The following CSPG4 variants were observed in gnomAD, a reference collection of about 807,000 sequenced individuals.
CSPG4 encodes chondroitin sulfate proteoglycan 4.
In CSPG4, 74 loss-of-function variants were observed where a neutral mutation model predicts 139.3. The ratio of observed to expected loss-of-function variants is 0.53; its 90% confidence interval spans 0.44 to 0.64. The LOEUF (loss-of-function observed/expected upper bound fraction) is 0.64. Ranked by LOEUF, CSPG4 falls within the 30% of genes least tolerant of loss-of-function variation. CSPG4 has a pLI of 0.00. For synonymous variants in CSPG4, 1,234 were observed against 1,394.2 expected (o/e 0.89, Z 2.56); for missense variants, 2,565 against 3,148.3 (o/e 0.81, Z 4.43).
In CSPG4 at chr15:75,682,623, T is replaced by C. The variant is rs773124996; in HGVS notation, c.4767A>G (p.Thr1589=). ...CACACCCACCTGGGCAGACAGTCAG[T>C]GTCTGGCTGCCCTTCAGCGAGAGGA... is the stretch of plus-strand genomic sequence containing the variant. ...QVLLSLKGSQ[T]LTVCPGSVQP... The change falls in exon 7 of 10, where the codon ACA becomes ACG. Residue 1589 remains threonine (T), a synonymous_variant. Transcript: ENST00000308508. 1.9e-6 allele frequency: 3 copies of C among 1,613,000 alleles called. No homozygotes were observed. The highest frequency in any genetic ancestry group is 2.7e-5 in the African/African-American group (2 of 74,910).
At chr15:75,678,972 A>C in intron 8 of CSPG4, 1 of 344,628 alleles carries the variant, frequency 2.9e-6, no homozygotes, top group Non-Finnish European at 5.7e-6. Context: ...TACCTCACAG[A>C]CTCTCCTGGC....
At chr15:75,712,863 T>G (rs995148522), upstream of CSPG4, 2 of 934,136 alleles carry the variant, frequency 2.1e-6, no homozygotes, top group African/African-American at 3.5e-5. Flanking sequence ...CGGCTCCGGG[T>G]GTCCGCGCAC....
chr15:75,680,048 A>T (rs1157787510), intron 8 of CSPG4: 1 of 152,274 alleles, frequency 6.6e-6, no homozygotes, highest in Non-Finnish European at 1.5e-5. Context: ...GGACTTGCCC[A>T]ATAGTAACAT....
In CSPG4 at chr15:75,675,088, G is replaced by T; in HGVS notation, c.*462C>A. 2.8e-6 allele frequency: 1 copy of T among 355,268 alleles called. No homozygotes were observed. The highest frequency in any genetic ancestry group is 4.7e-5 in the Admixed American group (1 of 21,292). The allele number at this position is 355,268 out of a possible 1,614,324, so 22.0% of individuals were successfully genotyped here. A position where few individuals can be genotyped will look rare whatever the true frequency, so the allele number is the denominator to read the frequency against. On this transcript the variant is annotated 3_prime_UTR_variant, in exon 10 of 10. Transcript: ENST00000308508. The stretch of plus-strand genomic sequence containing the variant: ...AAGTTTTTTTCTCAACTCTGGGGCA[G>T]AGACAAAGGGTGGCCTGGGTTGGAG...
rs761692206 is a variant in CSPG4, at chr15:75,682,463, C to G, written c.4784-4G>C. On this transcript the variant is annotated splice_polypyrimidine_tract_variant and splice_region_variant and intron_variant, in intron 7 of 9. Transcript: ENST00000308508. ...CTGCTGAGTGGCTGGACGGACCCTG[C>G]CAGAGGCAAAAGGGGATATCAGATT... 6.3e-7 allele frequency: 1 copy of G among 1,576,380 alleles called. No homozygotes were observed. The highest frequency in any genetic ancestry group is 8.6e-7 in the Non-Finnish European group (1 of 1,166,580).
chr15:75,677,757 C>G lies in CSPG4; in HGVS notation c.5080G>C (p.Val1694Leu). The G allele has an allele frequency of 6.2e-7, 1 of 1,610,782 alleles. No homozygotes were observed. The highest frequency in any genetic ancestry group is 8.5e-7 in the Non-Finnish European group (1 of 1,178,614). ...RDVAATLAVA[V>L]SFEAACPQRP... The stretch of plus-strand genomic sequence containing the variant: ...TGGGGACAGGCAGCCTCAAAAGACA[C>G]AGCCACAGCAAGGGTGGCGGCCACG... The change falls in exon 9 of 10, where the codon GTG becomes CTG. Residue 1694 changes from valine (V) to leucine (L), a missense_variant. Coordinates refer to ENST00000308508, the MANE Select transcript of CSPG4 (RefSeq NM_001897.5).
At chr15:75,677,511 G>A in intron 9 of CSPG4, 127 bp from the exon 10 acceptor site, 1 of 1,222,790 alleles carries the variant, frequency 8.2e-7, no homozygotes, top group Middle Eastern at 2.7e-4. Flanking sequence ...TCCAGGGTGG[G>A]GCTCAGGGTT....
intron 3 of CSPG4, among the ~76,000 whole-genome samples, chr15:75,686,630 C>G (rs1488934746): frequency 1.3e-5 from 2 of 152,252 alleles, no homozygotes; most frequent in Admixed American, 1.3e-4. Flanking sequence ...TGCCTCCTCC[C>G]GCGAGGCCTT....
chr15:75,682,596 A>C lies in CSPG4; in HGVS notation c.4783+11T>G, dbSNP rs768379105. 2 of 1,612,620 alleles carry C rather than the reference A, an allele frequency of 1.2e-6. No individual in the cohort carries two copies. The highest frequency in any genetic ancestry group is 3.3e-5 in the Admixed American group (2 of 60,014). On this transcript the variant is annotated intron_variant, in intron 7 of 9. Transcript: ENST00000308508. ...CTGGCACCCAGGAATGCCCATGATC[A>C]GCACACCCACCTGGGCAGACAGTCA...
Position 75,676,670 on chromosome 15 carries a change from A to G in CSPG4, c.5849T>C (p.Leu1950Pro). Reference protein sequence around the residue: ...SAIEVQLRAPLEVPQALGRSS... With the variant: ...SAIEVQLRAPPEVPQALGRSS... ...GCGCCCCAAAGCTTGGGGCACCTCC[A>G]GGGGTGCCCGCAGCTGCACCTCGAT... The change falls in exon 10 of 10, where the codon CTG (leucine) becomes CCG (proline). Residue 1950 changes from leucine to proline, a missense_variant. Leu to Pro is a moderately conservative substitution (Grantham distance 98). Coordinates refer to ENST00000308508, the MANE Select transcript of CSPG4 (RefSeq NM_001897.5). 1.3e-6 allele frequency: 2 copies of G among 1,595,136 alleles called. No individual in the cohort carries two copies. The highest frequency in any genetic ancestry group is 1.7e-6 in the Non-Finnish European group (2 of 1,169,484).
chr15:75,685,820 C>A (rs754811399), intron 3 of CSPG4, 119 bp from the exon 4 acceptor site: 19 of 1,096,532 alleles, frequency 1.7e-5, no homozygotes, highest in Non-Finnish European at 2.3e-5. Flanking sequence ...CCTCTAGATA[C>A]CACTGCTCAT....
Position 75,676,098 on chromosome 15 carries a change from T to C in CSPG4, c.6421A>G (p.Ser2141Gly), listed in dbSNP as rs374865804. Residue 2141 changes from serine (S) to glycine (G), a missense_variant, in exon 10 of 10, where the codon AGT becomes GGT. This residue lies in a region of CSPG4 where 2,316 missense variants were observed against 2,818.2 expected (regional missense o/e 0.82). Coordinates refer to ENST00000308508, the MANE Select transcript of CSPG4 (RefSeq NM_001897.5). Reference sequence around the variant, plus strand: ...TGTGCCCACAGCTCCAGAGTGAGACTGTCACCTGCGGGGCCGGGGGCCCTC... The same window carrying C: ...TGTGCCCACAGCTCCAGAGTGAGACCGTCACCTGCGGGGCCGGGGGCCCTC... ...EGRAPGPAGD[S>G]LTLELWAQGV... 141 of 1,534,964 alleles carry C rather than the reference T, an allele frequency of 9.2e-5. No individual in the cohort carries two copies. The highest frequency in any genetic ancestry group is 6.1e-6 in the Non-Finnish European group (7 of 1,144,530).
Position 75,687,396 on chromosome 15 carries a change from A to G in CSPG4, c.3669T>C (p.Asp1223=). ...GGGCAATGGTCACTTGTAGGGTGGC[A>G]TCCGTGTGCACTGGCCCTGCTTCCA... ...FSVEAGPVHT[D]ATLQVTIALE... is the part of the protein sequence containing the mutation. The change falls in exon 3 of 10, where the codon GAT becomes GAC. Residue 1223 remains aspartate (D), a synonymous_variant. Transcript: ENST00000308508. This position sits in a 1 kb window ranked among gnomAD's most constrained non-coding sequence, Gnocchi z 5.4. The G allele has an allele frequency of 6.2e-7, 1 of 1,612,796 alleles. No individual in the cohort carries two copies. Among genetic ancestry groups the G allele is most frequent in the Non-Finnish European group, 8.5e-7 (1 of 1,180,000 alleles).
Position 75,687,796 on chromosome 15 carries a change from C to T in CSPG4, c.3269G>A (p.Arg1090Gln), listed in dbSNP as rs753437116. 10 of 1,612,794 alleles carry T rather than the reference C, an allele frequency of 6.2e-6. No homozygotes were observed. In the Admixed American group the frequency reaches 1.0e-4, roughly 16 times the overall value. ...AGCCCCTGAGTGCACGAACAGTACT[C>T]GCCTCTTCCTGAGGTCCTCCTGGGT... ...RFTQEDLRKRRVLFVHSGADR... is the reference protein window; with the variant it reads ...RFTQEDLRKRQVLFVHSGADR... Residue 1090 changes from arginine (R) to glutamine (Q), a missense_variant, in exon 3 of 10, where the codon CGA becomes CAA. Around this residue, in one of 5 missense-constraint regions of CSPG4, gnomAD observed 2,316 missense variants for 2,818.2 expected, o/e 0.82. Transcript: ENST00000308508. This position sits in a 1 kb window ranked among gnomAD's most constrained non-coding sequence, Gnocchi z 5.4.
Position 75,676,399 on chromosome 15 carries a change from G to A in CSPG4, c.6120C>T (p.Asn2040=), listed in dbSNP as rs763411360. 21 of 1,613,558 alleles carry A rather than the reference G, an allele frequency of 1.3e-5. No individual in the cohort carries two copies. Among genetic ancestry groups the A allele is most frequent in the African/African-American group, 8.0e-5 (6 of 74,946 alleles). ...CATGCAGCAGAGCCCTCACAGTGACGTTCACTACGGCTGATGCATTGACAC... is the reference window on the plus strand; with the variant it reads ...CATGCAGCAGAGCCCTCACAGTGACATTCACTACGGCTGATGCATTGACAC... The part of the protein sequence containing the change: ...ARGVNASAVV[N]VTVRALLHVW... The change falls in exon 10 of 10, where the codon AAC becomes AAT. Residue 2040 remains asparagine (N), a synonymous_variant. Coordinates refer to ENST00000308508, the MANE Select transcript of CSPG4 (RefSeq NM_001897.5).
intron 8 of CSPG4, 71 bp downstream of exon 8, chr15:75,682,222 T>A (rs564043097): frequency 3.3e-6 from 5 of 1,532,472 alleles, no homozygotes; most frequent in Non-Finnish European, 4.5e-6. Context: ...CATGTCCACA[T>A]GATGTCCATG....
rs1163798295 is a variant in CSPG4, at chr15:75,690,711, C to T, written c.354G>A (p.Glu118=). ...IPHTVVLTVV[E]GWATLSVDGF... is the part of the protein sequence containing the mutation. Reference sequence around the variant, plus strand: ...CATCGACTGACAACGTGGCCCAGCCCTCTACGACAGTCAGCACCACAGTGT... The same window carrying T: ...CATCGACTGACAACGTGGCCCAGCCTTCTACGACAGTCAGCACCACAGTGT... Residue 118 remains glutamate (E), a synonymous_variant, in exon 3 of 10, where the codon GAG becomes GAA. Transcript: ENST00000308508. 3 of 1,613,034 alleles carry T rather than the reference C, an allele frequency of 1.9e-6. No homozygotes were observed. Among genetic ancestry groups the T allele is most frequent in the Middle Eastern group, 1.7e-4 (1 of 6,046 alleles).
intron 1 of CSPG4, among the ~76,000 whole-genome samples, chr15:75,712,331 G>A (rs1158390512): frequency 1.3e-5 from 2 of 152,132 alleles, no homozygotes; most frequent in Admixed American, 1.3e-4. Flanking sequence ...AAACTTGCCT[G>A]GCAAACAAAG....
chr15:75,680,653 G>T (rs1332296676), intron 8 of CSPG4: 2 of 153,532 alleles, frequency 1.3e-5, no homozygotes, highest in African/African-American at 4.8e-5. Context: ...TTGAGCTCTG[G>T]GGAGCAAGCA....
Sources: gnomAD v4.1 joint callset for allele counts (sites outside exome capture counted in the v4.1 genomes callset) on GRCh38, gnomAD v4.1.1 for gene constraint, gnomAD v4.1.1 regional missense constraint, Gnocchi (gnomAD v3.1) non-coding constraint, MANE v1.5 for transcripts, NCBI Gene and HGNC (gene_info 2026-07-23, HGNC 2026-07-21) for gene names.